The following PTCH1 variants were observed in gnomAD, a reference collection of about 807,000 sequenced individuals.
The protein encoded by PTCH1 is patched 1, also known as protein patched homolog 1.
Under a neutral mutation model 144.6 loss-of-function variants are expected in PTCH1, and 14 were observed. That is an observed-to-expected ratio of 0.10 (90% CI 0.06 to 0.15). The LOEUF is 0.15. Among genes scored for constraint, PTCH1 ranks in the 10% least tolerant of loss-of-function variants. The pLI is 1.00. For synonymous variants in PTCH1, 833 were observed against 793.6 expected (o/e 1.05, Z -0.83); for missense variants, 1,623 against 1,948.3 (o/e 0.83, Z 3.14).
intron 15 of PTCH1, among the ~76,000 whole-genome samples, chr9:95,464,787 C>T (rs1839850405): frequency 1.3e-5 from 2 of 152,080 alleles, no homozygotes; most frequent in African/African-American, 4.8e-5. Context: ...AATGAGGCTC[C>T]CACCATTTAA....
intron 2 of PTCH1, among the ~76,000 whole-genome samples, chr9:95,503,020 G>A (rs1195750538): frequency 6.6e-6 from 1 of 152,152 alleles, no homozygotes; most frequent in Non-Finnish European, 1.5e-5. Flanking sequence ...AGGAGAAGGA[G>A]CTTCTTCCAA....
At chr9:95,486,906 G>C (rs754202806) in intron 2 of PTCH1, among the ~76,000 whole-genome samples, 6 of 152,198 alleles carry the variant, frequency 3.9e-5, no homozygotes, top group Non-Finnish European at 7.3e-5. Context: ...GGCAAAGGAA[G>C]CGGGTCTGAA....
chr9:95,488,703 T>C (rs546086482), intron 2 of PTCH1, among the ~76,000 whole-genome samples: 2 of 152,202 alleles, frequency 1.3e-5, no homozygotes, highest in South Asian at 2.1e-4. Context: ...TGCTGGTCAG[T>C]GAAGGGAACA....
chr9:95,506,760 G>A, intron 1 of PTCH1, 161 bp from the exon 2 acceptor site: 1 of 1,060,602 alleles, frequency 9.4e-7, no homozygotes, highest in South Asian at 3.5e-5. Context: ...CGGCGGATCT[G>A]AGCGTCATGG....
At chr9:95,488,441 C>T (rs1293127643) in intron 2 of PTCH1, among the ~76,000 whole-genome samples, 1 of 152,176 alleles carries the variant, frequency 6.6e-6, no homozygotes, top group Non-Finnish European at 1.5e-5. Flanking sequence ...CTATTAAATG[C>T]AATTCACTTT....
intron 2 of PTCH1, among the ~76,000 whole-genome samples, chr9:95,502,517 C>T (rs1195991985): frequency 2.0e-5 from 3 of 152,240 alleles, no homozygotes; most frequent in Non-Finnish European, 2.9e-5. Flanking sequence ...TCCACTACAT[C>T]AGTCAACATA....
At position 95,515,366 on chromosome 9, in the gene PTCH1, A is replaced by G. The variant is rs145751615; in HGVS notation, c.3+1103T>C. On this transcript the variant is annotated intron_variant, in intron 1 of 22. Coordinates refer to the PTCH1 transcript ENST00000430669. ...GTATTTCTCCTCCCCAGGGAGGAAG[A>G]AAGGATAAAAAGGGAGGAAGACGGT... Among the ~76,000 whole-genome samples, 9 of 152,250 alleles carry G rather than the reference A, an allele frequency of 5.9e-5. No individual in the cohort carries two copies. In the East Asian group the frequency reaches 1.2e-3, roughly 20 times the overall value.
rs766812549 is a variant in PTCH1, at chr9:95,468,935, G to A, written c.2066C>T (p.Pro689Leu). 1 of 1,614,178 alleles carries A rather than the reference G, an allele frequency of 6.2e-7. No homozygotes were observed. Residue 689 changes from proline (P) to leucine (L), a missense_variant, in exon 14 of 24, where the codon CCC becomes CTC. Around this residue, in one of 7 missense-constraint regions of PTCH1, gnomAD observed 179 missense variants for 165.7 expected, o/e 1.08. Transcript: ENST00000331920. Reference sequence around the variant, plus strand: ...GAGGGTGTCCTGTGTCACGGTGACGGGCTGCACAGAGATCTCGGAGCGCGG... The same window carrying A: ...GAGGGTGTCCTGTGTCACGGTGACGAGCTGCACAGAGATCTCGGAGCGCGG... ...AEPRSEISVQ[P>L]VTVTQDTLSC... is the part of the protein sequence containing the mutation.
At chr9:95,484,776 G>C (rs913483538) in intron 3 of PTCH1, among the ~76,000 whole-genome samples, 3 of 152,216 alleles carry the variant, frequency 2.0e-5, no homozygotes, top group African/African-American at 7.2e-5. Flanking sequence ...ACAGACAAGA[G>C]GTGGCCCCTG....
At chr9:95,473,805 G>C (rs1404634734) in intron 12 of PTCH1, among the ~76,000 whole-genome samples, 1 of 151,722 alleles carries the variant, frequency 6.6e-6, no homozygotes, top group Non-Finnish European at 1.5e-5. Flanking sequence ...GCCTCCCAAA[G>C]TGCTGGGATT....
rs945517672 is a variant in PTCH1, at chr9:95,449,251, C to A, written c.3622G>T (p.Ala1208Ser). ...CTGTGCGTGTGGCCGGGCGGCATGG[C>A]GAAGCGGACCACGCTGGGGGGTGGC... ...PEPPPSVVRFAMPPGHTHSGS... is the reference protein window; with the variant it reads ...PEPPPSVVRFSMPPGHTHSGS... The change falls in exon 22 of 24, where the codon GCC becomes TCC. Residue 1208 changes from alanine to serine, a missense_variant. Coordinates refer to ENST00000331920, the MANE Select transcript of PTCH1 (RefSeq NM_000264.5). This position sits in a 1 kb window ranked among gnomAD's most constrained non-coding sequence, Gnocchi z 5.3. The A allele has an allele frequency of 7.0e-6, 11 of 1,573,418 alleles. No homozygotes were observed. The highest frequency in any genetic ancestry group is 8.6e-6 in the Non-Finnish European group (10 of 1,159,218).
upstream of PTCH1, among the ~76,000 whole-genome samples, chr9:95,510,437 G>A (rs890930529): frequency 9.9e-5 from 15 of 152,200 alleles, no homozygotes; most frequent in African/African-American, 2.9e-4. Context: ...TCCCGCGGAG[G>A]GGGAAAACAC....
chr9:95,488,529 A>G (rs1478064536), intron 2 of PTCH1, among the ~76,000 whole-genome samples: 2 of 151,546 alleles, frequency 1.3e-5, no homozygotes, highest in African/African-American at 4.8e-5. Context: ...AAAATGATTC[A>G]AAAACGTTAA....
intron 15 of PTCH1, among the ~76,000 whole-genome samples, chr9:95,463,274 C>A (rs577581912): frequency 3.2e-4 from 48 of 151,910 alleles, no homozygotes; most frequent in African/African-American, 1.2e-3. Flanking sequence ...CTCTAAGAAG[C>A]GAAACCCTCC....
intron 16 of PTCH1, among the ~76,000 whole-genome samples, chr9:95,461,209 C>T (rs754427748): frequency 1.3e-5 from 2 of 152,074 alleles, no homozygotes; most frequent in Non-Finnish European, 2.9e-5. Context: ...CAAGAAGATG[C>T]AAACACAAGT....
intron 5 of PTCH1, among the ~76,000 whole-genome samples, chr9:95,481,265 A>C (rs902762173): frequency 5.9e-5 from 9 of 152,222 alleles, no homozygotes; most frequent in African/African-American, 2.2e-4. Flanking sequence ...CTTATTTCCC[A>C]TCTAAAACTG....
chr9:95,515,709 GGTGGCAGCCACCCAAGC>G (rs977261093), intron 1 of PTCH1, among the ~76,000 whole-genome samples: 3 of 152,150 alleles, frequency 2.0e-5, no homozygotes, highest in African/African-American at 7.2e-5. Context: ...TCTCTGTAAG[GGTGGCAGCCACCCAAGC>G]GCCTGAATCG....
chr9:95,496,390 C>T (rs1029512190), intron 2 of PTCH1, among the ~76,000 whole-genome samples: 6 of 151,856 alleles, frequency 4.0e-5, no homozygotes, highest in African/African-American at 1.2e-4. Flanking sequence ...GGTTTCGGTC[C>T]GCAACAAAAA....
chr9:95,507,977 C>G, intron 1 of PTCH1, 184 bp downstream of exon 1: 1 of 1,494,232 alleles, frequency 6.7e-7, no homozygotes. Context: ...CTCCCAGGAC[C>G]AGAGGGAGGG....
Sources: allele counts gnomAD v4.1 joint callset (sites outside exome capture counted in the v4.1 genomes callset), GRCh38; gene constraint gnomAD v4.1.1; regional missense constraint gnomAD v4.1.1; non-coding constraint Gnocchi (gnomAD v3.1); transcripts MANE v1.5; gene names NCBI Gene and HGNC (gene_info 2026-07-23, HGNC 2026-07-21).